The following MYO7B variants were observed in gnomAD, a reference collection of about 807,000 sequenced individuals.
The protein encoded by MYO7B is myosin VIIB.
A neutral mutation model predicts 259.7 loss-of-function variants in MYO7B; 212 were observed. The observed-to-expected ratio is 0.82, with a 90% CI of 0.73 to 0.91. The LOEUF (loss-of-function observed/expected upper bound fraction) is 0.91, where lower values mean the gene tolerates loss of function less well. MYO7B is among the 40% of genes least tolerant of loss of function. The probability of loss-of-function intolerance (pLI) is 0.00; values close to 1 mark genes in which losing one functional copy is unlikely to be tolerated. For synonymous variants in MYO7B, 1,197 were observed against 1,166.4 expected, an observed-to-expected ratio of 1.03 and a Z score of -0.54; for missense variants, 2,732 against 2,813.5, an observed-to-expected ratio of 0.97 and a Z score of 0.66.
In MYO7B at chr2:127,635,176, A is replaced by G. The variant is rs373582347; in HGVS notation, c.5770A>G (p.Ile1924Val). 1.6e-5 allele frequency: 26 copies of G among 1,613,552 alleles called. No individual in the cohort carries two copies. The highest frequency in any genetic ancestry group is 6.7e-5 in the Admixed American group (4 of 59,958). Residue 1924 changes from isoleucine to valine, a missense_variant, in exon 43 of 48, where the codon ATA (isoleucine) becomes GTA (valine). By Grantham distance (29) the Ile-to-Val change is conservative. Coordinates refer to ENST00000409816, the MANE Select transcript of MYO7B (RefSeq NM_001393586.1). ...CTTCATGCGGAAATTGTGGCTCAAC[A>G]TATCTCCAGGGAAGGATGTGAATGC... ...VYFMRKLWLN[I>V]SPGKDVNADT...
intron 18 of MYO7B, among the ~76,000 whole-genome samples, chr2:127,595,131 T>A (rs1056709680): frequency 6.6e-6 from 1 of 152,186 alleles, no homozygotes. Flanking sequence ...TAGGCTATTA[T>A]TGCCTTAATT....
At chr2:127,602,451 C>G (rs1573677749) in intron 19 of MYO7B, among the ~76,000 whole-genome samples, 1 of 152,064 alleles carries the variant, frequency 6.6e-6, no homozygotes, top group Non-Finnish European at 1.5e-5. Flanking sequence ...AGTTCAAAAC[C>G]TGCCTGGTCA....
chr2:127,615,204 A>C lies in MYO7B; in HGVS notation c.3398+2601A>C, dbSNP rs1254483347. ...CCAAGGAGGAGTGGCCTTAGTGCCT[A>C]CCTGGGCCAAGGAAGGAGGAGGGGT... On this transcript the variant is annotated intron_variant, in intron 26 of 47. Transcript: ENST00000409816. This position sits in a 1 kb window ranked among gnomAD's most constrained non-coding sequence, Gnocchi z 4.4. 6.6e-6 allele frequency among the ~76,000 whole-genome samples: 1 copy of C among 152,096 alleles called. No individual in the cohort carries two copies.
intron 5 of MYO7B, among the ~76,000 whole-genome samples, chr2:127,568,224 C>T (rs1370233732): frequency 6.6e-6 from 1 of 152,200 alleles, no homozygotes; most frequent in Non-Finnish European, 1.5e-5. Flanking sequence ...CAAGAGGCCC[C>T]TCAGCAGAGC....
At chr2:127,629,936 G>A in intron 35 of MYO7B, 110 bp downstream of exon 35, 1 of 1,219,448 alleles carries the variant, frequency 8.2e-7, no homozygotes, top group Non-Finnish European at 1.1e-6. Flanking sequence ...CCACCTAGCA[G>A]AGGCCAGGAG....
At chr2:127,552,135 T>A (rs1436871992) in intron 1 of MYO7B, among the ~76,000 whole-genome samples, 1 of 152,210 alleles carries the variant, frequency 6.6e-6, no homozygotes, top group Non-Finnish European at 1.5e-5. Flanking sequence ...AAAAAAAGTG[T>A]GCTTCTTGTA....
rs765143129 is a variant in MYO7B, at chr2:127,596,561, C to A, written c.2339+5C>A. ...CCTTCGGGGCTACAGATACAGGTGC[C>A]GGCCCCACCCCAAGGCCCACCCAGC... On this transcript the variant is annotated splice_donor_5th_base_variant and intron_variant, in intron 19 of 47. Coordinates refer to ENST00000409816, the MANE Select transcript of MYO7B (RefSeq NM_001393586.1). 6.2e-7 allele frequency: 1 copy of A among 1,606,620 alleles called. No individual in the cohort carries two copies. The highest frequency in any genetic ancestry group is 1.3e-5 in the African/African-American group (1 of 74,752).
At chr2:127,565,909 C>G (rs895016710) in intron 4 of MYO7B, among the ~76,000 whole-genome samples, 1 of 152,238 alleles carries the variant, frequency 6.6e-6, no homozygotes. Flanking sequence ...ATTCCAAAAC[C>G]GACACCAGTT....
intron 43 of MYO7B, chr2:127,635,455 G>A (rs1235175017): frequency 3.2e-6 from 2 of 626,162 alleles, no homozygotes; most frequent in African/African-American, 3.7e-5. Context: ...GAGAGGGTGG[G>A]ACAGAGGGTC....
At position 127,635,224 on chromosome 2, in the gene MYO7B, C is replaced by T. The variant is rs1194234669; in HGVS notation, c.5818C>T (p.Gln1940Ter). The stretch of plus-strand genomic sequence containing the variant: ...TGCAGACACCATACTCCATTACCAC[C>T]AGGTACCGGGCAGGCTGCCCTGGTG... Reference protein sequence around the residue: ...VNADTILHYHQELPKYLRGFH... With the variant: ...VNADTILHYH Residue 1940 changes from glutamine (Q) to a stop codon, truncating the protein, a stop_gained and splice_region_variant, in exon 43 of 48, where the codon CAG becomes TAG. Coordinates refer to ENST00000409816, the MANE Select transcript of MYO7B (RefSeq NM_001393586.1). LOFTEE classifies it high-confidence loss of function. The T allele has an allele frequency of 3.1e-6, 5 of 1,612,294 alleles. No homozygotes were observed. Among genetic ancestry groups the T allele is most frequent in the Admixed American group, 1.7e-5 (1 of 59,850 alleles).
chr2:127,622,320 G>A (rs1050339205), intron 28 of MYO7B, among the ~76,000 whole-genome samples: 2 of 152,084 alleles, frequency 1.3e-5, no homozygotes, highest in Non-Finnish European at 2.9e-5. Flanking sequence ...TATTCCTTTA[G>A]GGCCCTACTA....
chr2:127,629,517 C>G, intron 34 of MYO7B, 128 bp from the exon 35 acceptor site: 1 of 906,878 alleles, frequency 1.1e-6, no homozygotes, highest in Non-Finnish European at 1.7e-6. Context: ...ATCGCTCACT[C>G]TTGGAGTGGT....
At chr2:127,543,807 C>T (rs780233928) in intron 1 of MYO7B, among the ~76,000 whole-genome samples, 6 of 151,854 alleles carry the variant, frequency 4.0e-5, no homozygotes, top group East Asian at 3.9e-4. Flanking sequence ...TGCAGTGGCG[C>T]GATCTTGCCT....
chr2:127,635,068 G>A, intron 42 of MYO7B, 52 bp from the exon 43 acceptor site: 3 of 1,474,394 alleles, frequency 2.0e-6, no homozygotes, highest in Non-Finnish European at 2.8e-6. Context: ...GGGGGTCAGG[G>A]CTGGTGTACC....
At chr2:127,564,362 G>T (rs975896894) in intron 3 of MYO7B, 96 bp downstream of exon 3, 1 of 981,894 alleles carries the variant, frequency 1.0e-6, no homozygotes, top group African/African-American at 1.6e-5. Context: ...CCAACACCAG[G>T]GGCTCCAAGG....
At chr2:127,600,426 C>T (rs1203572221) in intron 19 of MYO7B, among the ~76,000 whole-genome samples, 2 of 152,016 alleles carry the variant, frequency 1.3e-5, no homozygotes, top group African/African-American at 4.8e-5. Flanking sequence ...ATTTTCTTGT[C>T]CTGGCCGGGC....
chr2:127,572,468 CTTTTCTCCTTCCTTCCTTTCT>C (rs57784309), intron 6 of MYO7B, among the ~76,000 whole-genome samples: 1 of 148,572 alleles, frequency 6.7e-6, no homozygotes, highest in African/African-American at 2.5e-5. Flanking sequence ...TCTTTCTCAT[CTTTTCTCCTTCCTTCCTTTCT>C]TTTTCTCCTT....
At chr2:127,540,454 G>T (rs534918862) in intron 1 of MYO7B, among the ~76,000 whole-genome samples, 6 of 152,174 alleles carry the variant, frequency 3.9e-5, no homozygotes, top group Admixed American at 3.9e-4. Flanking sequence ...GTGAGCCACC[G>T]CGCCCAGCCG....
chr2:127,593,754 T>A (rs1476789396), intron 18 of MYO7B, 110 bp downstream of exon 18: 2 of 975,830 alleles, frequency 2.0e-6, no homozygotes, highest in East Asian at 2.4e-5. Context: ...CCAATGACAC[T>A]GGGCAGCAGC....
Sources: gnomAD v4.1 joint callset for allele counts (sites outside exome capture counted in the v4.1 genomes callset) on GRCh38, gnomAD v4.1.1 for gene constraint, Gnocchi (gnomAD v3.1) non-coding constraint, MANE v1.5 for transcripts, NCBI Gene and HGNC (gene_info 2026-07-23, HGNC 2026-07-21) for gene names.